The following PLD1 variants were observed in gnomAD, a reference collection of about 807,000 sequenced individuals.
PLD1 encodes choline phosphatase 1.
A neutral mutation model predicts 137.1 loss-of-function variants in PLD1; 112 were observed. The ratio of observed to expected loss-of-function variants is 0.82; its 90% CI spans 0.70 to 0.96. PLD1 has a LOEUF of 0.96. Ranked by LOEUF, PLD1 falls within the 40% of genes least tolerant of loss-of-function variation. The probability of loss-of-function intolerance (pLI) is 0.00; values close to 1 mark genes in which losing one functional copy is unlikely to be tolerated. For missense variants in PLD1, 1,321 were observed against 1,342.0 expected (o/e 0.98, Z 0.24); for synonymous variants, 431 against 454.7 (o/e 0.95, Z 0.66).
intron 24 of PLD1, among the ~76,000 whole-genome samples, chr3:171,617,918 ATTCTCAACCTAAC>A (rs928423789): frequency 7.3e-4 from 111 of 152,326 alleles, no homozygotes; most frequent in African/African-American, 2.5e-3. Flanking sequence ...CCTATAAAAT[ATTCTCAACCTAAC>A]TTCTCAAACT....
chr3:171,807,762 C>G (rs951591032), intron 1 of PLD1, among the ~76,000 whole-genome samples: 1 of 152,180 alleles, frequency 6.6e-6, no homozygotes, highest in African/African-American at 2.4e-5. Flanking sequence ...ACCAAAAACA[C>G]ACACAAATTC....
chr3:171,656,953 C>T (rs528137532), intron 21 of PLD1, among the ~76,000 whole-genome samples: 213 of 152,296 alleles, frequency 1.4e-3, no homozygotes, highest in African/African-American at 5.0e-3. Flanking sequence ...ACTACAGGCC[C>T]AACACATTTG....
chr3:171,755,699 C>T (rs1720975455), intron 1 of PLD1, among the ~76,000 whole-genome samples: 1 of 152,174 alleles, frequency 6.6e-6, no homozygotes, highest in Non-Finnish European at 1.5e-5. Context: ...TGGCTTCTGT[C>T]TCCCCTAAAA....
chr3:171,747,631 C>T, intron 1 of PLD1, among the ~76,000 whole-genome samples: 1 of 152,156 alleles, frequency 6.6e-6, no homozygotes, highest in East Asian at 1.9e-4. Flanking sequence ...ATCCTGGCTC[C>T]TGCAGAAATT....
rs533048155 is a variant in PLD1 at position 171,739,304 on chromosome 3, A to G, written c.-31-1222T>C. Among the ~76,000 whole-genome samples the G allele has an allele frequency of 2.4e-4, 37 of 152,308 alleles. No individual in the cohort carries two copies. The South Asian group carries it at 5.8e-3, about 24-fold the overall frequency. On this transcript the variant is annotated intron_variant, in intron 1 of 26. Transcript: ENST00000351298. ...CTTACACAGCCCTTATTATAACTCA[A>G]TGAGTCTCGAAAACCTATACTTTTA... is the stretch of plus-strand genomic sequence containing the variant.
intron 23 of PLD1, among the ~76,000 whole-genome samples, chr3:171,624,325 T>C (rs912186051): frequency 2.6e-5 from 4 of 152,182 alleles, no homozygotes; most frequent in Admixed American, 2.6e-4. Flanking sequence ...TGAGAAACCA[T>C]TTGTTATCTA....
At chr3:171,692,066 A>C (rs1414214848) in intron 13 of PLD1, among the ~76,000 whole-genome samples, 4 of 152,184 alleles carry the variant, frequency 2.6e-5, no homozygotes, top group Admixed American at 1.3e-4. Flanking sequence ...TGAATATCAA[A>C]ACAACTGCAG....
chr3:171,808,107 A>T (rs890049969), intron 1 of PLD1, among the ~76,000 whole-genome samples: 9 of 152,170 alleles, frequency 5.9e-5, no homozygotes, highest in Admixed American at 5.9e-4. Context: ...AAAAGTTAAA[A>T]AATTATCAGG....
intron 1 of PLD1, among the ~76,000 whole-genome samples, chr3:171,756,574 A>G (rs1204752665): frequency 6.6e-6 from 1 of 152,238 alleles, no homozygotes; most frequent in Non-Finnish European, 1.5e-5. Flanking sequence ...TGGAAGGGGT[A>G]ATGAAGAACA....
At chr3:171,655,345 TTG>T (rs1737100234) in intron 21 of PLD1, among the ~76,000 whole-genome samples, 1 of 152,012 alleles carries the variant, frequency 6.6e-6, no homozygotes, top group South Asian at 2.1e-4. Flanking sequence ...GCAAAATATG[TTG>T]TTTCTTTCAT....
At chr3:171,789,469 AG>A (rs2108349423) in intron 1 of PLD1, 1 of 152,388 alleles carries the variant, frequency 6.6e-6, no homozygotes, top group Non-Finnish European at 1.5e-5. Flanking sequence ...CTGTAAAACT[AG>A]GTACACGAAG....
intron 10 of PLD1, among the ~76,000 whole-genome samples, chr3:171,709,159 G>C (rs1716946486): frequency 1.3e-5 from 2 of 152,172 alleles, no homozygotes; most frequent in Admixed American, 1.3e-4. Flanking sequence ...ACAGTTCTGA[G>C]ACTGAAAACA....
At chr3:171,768,259 A>C (rs1722110789) in intron 1 of PLD1, among the ~76,000 whole-genome samples, 2 of 152,170 alleles carry the variant, frequency 1.3e-5, no homozygotes, top group Admixed American at 1.3e-4. Flanking sequence ...GTGAATTTCC[A>C]GGGTGGATGG....
chr3:171,687,282 AAGAC>A, intron 15 of PLD1, 85 bp downstream of exon 15: 1 of 1,076,718 alleles, frequency 9.3e-7, no homozygotes, highest in Non-Finnish European at 1.4e-6. Context: ...CCATTACAGA[AAGAC>A]AGATTTTAAA....
chr3:171,663,538 G>T (rs1217237140), intron 19 of PLD1, among the ~76,000 whole-genome samples: 2 of 152,220 alleles, frequency 1.3e-5, no homozygotes, highest in African/African-American at 4.8e-5. Flanking sequence ...ATGAGCATTA[G>T]AAGATGTGTT....
intron 19 of PLD1, among the ~76,000 whole-genome samples, chr3:171,672,312 A>G (rs1278460491): frequency 6.6e-6 from 1 of 152,176 alleles, no homozygotes; most frequent in Non-Finnish European, 1.5e-5. Context: ...TGACTTCACC[A>G]TGCAAACGGA....
intron 1 of PLD1, among the ~76,000 whole-genome samples, chr3:171,738,376 G>A (rs1270842227): frequency 6.6e-6 from 1 of 151,660 alleles, no homozygotes; most frequent in Non-Finnish European, 1.5e-5. Flanking sequence ...TATTAACTTG[G>A]ATAAGTAATT....
At chr3:171,655,915 C>T (rs1292177725) in intron 21 of PLD1, among the ~76,000 whole-genome samples, 1 of 152,064 alleles carries the variant, frequency 6.6e-6, no homozygotes, top group Non-Finnish European at 1.5e-5. Context: ...CTAAATGACA[C>T]AGGTTTATTT....
chr3:171,741,854 AATAG>A (rs1225935758), intron 1 of PLD1, among the ~76,000 whole-genome samples: 2 of 152,288 alleles, frequency 1.3e-5, no homozygotes, highest in African/African-American at 2.4e-5. Flanking sequence ...TCAGATAACA[AATAG>A]ATAAACATTG....
Sources: gnomAD v4.1 joint callset for allele counts (sites outside exome capture counted in the v4.1 genomes callset) on GRCh38, gnomAD v4.1.1 for gene constraint, MANE v1.5 for transcripts, NCBI Gene and HGNC (gene_info 2026-07-23, HGNC 2026-07-21) for gene names.